The following QTGAL variants were observed in gnomAD, a reference collection of about 807,000 sequenced individuals.
QTGAL encodes the protein BGnT-like protein 1.
chr17:82,977,320 A>G, the QTGAL span, among the ~76,000 whole-genome samples: 1 of 152,104 alleles, frequency 6.6e-6, no homozygotes, highest in Non-Finnish European at 1.5e-5. Flanking sequence ...AAACGGCTTG[A>G]GGATGGAACC....
chr17:83,039,409 C>T, the QTGAL span, among the ~76,000 whole-genome samples: 1 of 94,304 alleles, frequency 1.1e-5, no homozygotes, highest in Admixed American at 9.9e-5. Context: ...GCCCGCCGCC[C>T]GCCCCTCTTC....
At chr17:83,027,820 G>C in the QTGAL span, among the ~76,000 whole-genome samples, 1 of 150,508 alleles carries the variant, frequency 6.6e-6, no homozygotes, top group Non-Finnish European at 1.5e-5. Flanking sequence ...CTCATTAATA[G>C]TAAGATAAAC....
At chr17:83,023,876 G>A in the QTGAL span, among the ~76,000 whole-genome samples, 1 of 152,212 alleles carries the variant, frequency 6.6e-6, no homozygotes, top group African/African-American at 2.4e-5. Flanking sequence ...GGGACACGGT[G>A]GGACAAAATG....
chr17:83,026,514 A>G, the QTGAL span, among the ~76,000 whole-genome samples: 3 of 152,062 alleles, frequency 2.0e-5, no homozygotes, highest in Admixed American at 2.0e-4. Context: ...CCCACCCTCA[A>G]CAGACACACA....
the QTGAL span, among the ~76,000 whole-genome samples, chr17:83,017,743 G>A: frequency 6.6e-6 from 1 of 152,200 alleles, no homozygotes; most frequent in South Asian, 2.1e-4. Context: ...CCTGCATCGA[G>A]TACCACATGT....
the QTGAL span, chr17:82,945,429 A>G: frequency 6.6e-6 from 1 of 152,246 alleles, no homozygotes; most frequent in East Asian, 1.9e-4. Context: ...GCAGAACTGT[A>G]AGAAGGACAG....
At chr17:82,991,661 C>G in the QTGAL span, among the ~76,000 whole-genome samples, 1 of 152,104 alleles carries the variant, frequency 6.6e-6, no homozygotes, top group Non-Finnish European at 1.5e-5. Flanking sequence ...CACAGATGAA[C>G]ATCCATAAGC....
chr17:82,961,321 C>T, the QTGAL span: 2 of 1,174,950 alleles, frequency 1.7e-6, no homozygotes, highest in Non-Finnish European at 2.3e-6. Context: ...GGTCTAGAGG[C>T]TCAACAGGGA....
the QTGAL span, chr17:82,957,290 G>T: frequency 3.1e-6 from 5 of 1,613,974 alleles, no homozygotes; most frequent in Admixed American, 8.3e-5. Context: ...ACAGGCCGGG[G>T]CCAGGGCCTG....
chr17:83,037,115 T>C, the QTGAL span, among the ~76,000 whole-genome samples: 1 of 152,106 alleles, frequency 6.6e-6, no homozygotes, highest in African/African-American at 2.4e-5. This position sits in a 1 kb window ranked among gnomAD's most constrained non-coding sequence, Gnocchi z 5.2. Context: ...AATTAAGCAA[T>C]AGATCTCTCT....
the QTGAL span, among the ~76,000 whole-genome samples, chr17:82,960,182 C>T: frequency 1.4e-4 from 22 of 152,264 alleles, no homozygotes; most frequent in African/African-American, 3.6e-4. Flanking sequence ...TGGGGAAGCT[C>T]GTGGCCCTCC....
chr17:82,975,968 C>T, the QTGAL span, among the ~76,000 whole-genome samples: 5 of 72,346 alleles, frequency 6.9e-5, 1 homozygote, highest in Non-Finnish European at 1.3e-4. Context: ...GTCAGGGCCC[C>T]GGGACAGAGC....
At chr17:82,947,085 C>G in the QTGAL span, 2 of 966,200 alleles carry the variant, frequency 2.1e-6, no homozygotes, top group Non-Finnish European at 3.1e-6. Flanking sequence ...CTGTGTCCAC[C>G]TGTCAAGTGT....
At chr17:82,964,740 A>G in the QTGAL span, among the ~76,000 whole-genome samples, 1 of 132,866 alleles carries the variant, frequency 7.5e-6, no homozygotes, top group Non-Finnish European at 1.6e-5. Context: ...GGACGCCTGC[A>G]GGTGCACCCC....
chr17:83,051,210 G>A, the QTGAL span, among the ~76,000 whole-genome samples: 9 of 149,408 alleles, frequency 6.0e-5, no homozygotes, highest in East Asian at 1.8e-3. Context: ...AGGCAGGTGC[G>A]TAAGAGCGAG....
chr17:83,040,861 C>A, the QTGAL span, among the ~76,000 whole-genome samples: 1 of 151,984 alleles, frequency 6.6e-6, no homozygotes, highest in Non-Finnish European at 1.5e-5. Context: ...GTCAGGAGAT[C>A]GAGAACATCC....
the QTGAL span, among the ~76,000 whole-genome samples, chr17:82,996,537 A>T: frequency 8.2e-5 from 12 of 145,920 alleles, no homozygotes; most frequent in Non-Finnish European, 1.8e-4. Flanking sequence ...AAAAAAAAAA[A>T]ATAGAAAACA....
chr17:83,021,288 CCT>C, the QTGAL span, among the ~76,000 whole-genome samples: 13 of 152,038 alleles, frequency 8.6e-5, no homozygotes, highest in African/African-American at 3.1e-4. Flanking sequence ...GTAAAAGGCT[CCT>C]TATTCACAGG....
chr17:82,947,322 T>G, the QTGAL span: 1 of 286,232 alleles, frequency 3.5e-6, no homozygotes, highest in South Asian at 1.0e-4. Flanking sequence ...AGACCCACCT[T>G]CCCTCCACAC....
Sources: gnomAD v4.1 joint callset for allele counts (sites outside exome capture counted in the v4.1 genomes callset) on GRCh38, gnomAD v4.1.1 for gene constraint, Gnocchi (gnomAD v3.1) non-coding constraint, MANE v1.5 for transcripts, NCBI Gene and HGNC (gene_info 2026-07-23, HGNC 2026-07-21) for gene names.